The following KCNJ6 variants were observed in gnomAD, a reference collection of about 807,000 sequenced individuals.
KCNJ6 encodes potassium inwardly rectifying channel subfamily J member 6.
KCNJ6 carries 9 observed loss-of-function variants against 34.2 expected under a neutral mutation model. That is an observed-to-expected ratio of 0.26 (90% CI 0.16 to 0.46). The LOEUF (loss-of-function observed/expected upper bound fraction) is 0.46. KCNJ6 is among the 20% of genes least tolerant of loss of function. KCNJ6 has a pLI of 1.00. For synonymous variants in KCNJ6, 196 were observed against 207.1 expected (o/e 0.95, Z 0.46); for missense variants, 236 against 531.3 (o/e 0.44, Z 5.46).
rs1179642800 is a variant in KCNJ6 at position 37,611,286 on chromosome 21, T to G, written c.*13873A>C. 1 of 152,146 alleles carries G rather than the reference T, an allele frequency of 6.6e-6. No individual in the cohort carries two copies. Among genetic ancestry groups the G allele is most frequent in the African/African-American group, 2.4e-5 (1 of 41,430 alleles). The allele number at this position is 152,146 out of a possible 1,614,324, so 9.4% of individuals were successfully genotyped here. On this transcript the variant is annotated 3_prime_UTR_variant, in exon 4 of 4. Coordinates refer to ENST00000609713, the MANE Select transcript of KCNJ6 (RefSeq NM_002240.5). Reference sequence around the variant, plus strand: ...CTTGAAAAATAGAATTTGTCAAAACTCACACAAGAGCAAATAGACAATCTG... The same window carrying G: ...CTTGAAAAATAGAATTTGTCAAAACGCACACAAGAGCAAATAGACAATCTG...
In KCNJ6 at chr21:37,710,353, T is replaced by C. The variant is rs535370587; in HGVS notation, c.946+3858A>G. Among the ~76,000 whole-genome samples the C allele has an allele frequency of 2.0e-5, 3 of 152,354 alleles. No homozygotes were observed. In the South Asian group the frequency reaches 6.2e-4, roughly 32 times the overall value. On this transcript the variant is annotated intron_variant, in intron 3 of 3. Coordinates refer to ENST00000609713, the MANE Select transcript of KCNJ6 (RefSeq NM_002240.5). ...ATATTTGCAGATGAGGATGATGTGA[T>C]TCTGGTGGGCAGCCAATGAGTGGGG...
At chr21:37,771,453 C>G (rs1285438577) in intron 2 of KCNJ6, among the ~76,000 whole-genome samples, 1 of 152,188 alleles carries the variant, frequency 6.6e-6, no homozygotes, top group African/African-American at 2.4e-5. Flanking sequence ...GACTAGCCAG[C>G]TGCCACAATT....
intron 3 of KCNJ6, among the ~76,000 whole-genome samples, chr21:37,708,674 C>A (rs911764972): frequency 2.6e-5 from 4 of 152,152 alleles, no homozygotes; most frequent in African/African-American, 9.7e-5. Flanking sequence ...TCAGAGCTCA[C>A]CAATTAACTC....
chr21:37,822,963 A>G (rs773690747), intron 2 of KCNJ6, among the ~76,000 whole-genome samples: 35 of 152,190 alleles, frequency 2.3e-4, no homozygotes, highest in Admixed American at 7.2e-4. Context: ...GTCATGCATG[A>G]AAATTCCTTC....
At chr21:37,789,479 C>A (rs2123520332) in intron 2 of KCNJ6, among the ~76,000 whole-genome samples, 1 of 152,306 alleles carries the variant, frequency 6.6e-6, no homozygotes, top group Admixed American at 6.5e-5. Flanking sequence ...ATGCTGGCAC[C>A]ATGATCTTGG....
rs767644885 is a variant in KCNJ6 at position 37,895,698 on chromosome 21, G to A, written c.-28+20186C>T. Among the ~76,000 whole-genome samples, 27 of 152,204 alleles carry A rather than the reference G, an allele frequency of 1.8e-4. 1 individual carries two copies. The highest frequency in any genetic ancestry group is 3.9e-4 in the East Asian group (2 of 5,192). ...CTTCAGTAAAGAGGAACATTGGAAT[G>A]AAGGTACCCCAATCAGGGAGGCTGT... is the stretch of plus-strand genomic sequence containing the variant. On this transcript the variant is annotated intron_variant, in intron 1 of 3. Transcript: ENST00000609713.
intron 2 of KCNJ6, among the ~76,000 whole-genome samples, chr21:37,789,737 C>G (rs776034860): frequency 3.9e-5 from 6 of 152,238 alleles, no homozygotes; most frequent in Non-Finnish European, 5.9e-5. Context: ...GGAAAGCATA[C>G]TCCTCCCTGT....
At chr21:37,807,656 G>A (rs926945588) in intron 2 of KCNJ6, among the ~76,000 whole-genome samples, 1 of 152,212 alleles carries the variant, frequency 6.6e-6, no homozygotes, top group East Asian at 1.9e-4. Context: ...GCAACAGGCT[G>A]GACCATGTAG....
At chr21:37,631,452 T>C (rs1191707813) in intron 3 of KCNJ6, among the ~76,000 whole-genome samples, 1 of 152,116 alleles carries the variant, frequency 6.6e-6, no homozygotes, top group Non-Finnish European at 1.5e-5. Context: ...GAGATGAGCC[T>C]TCTGGGGCTG....
chr21:37,613,287 C>G lies in KCNJ6; in HGVS notation c.*11872G>C, dbSNP rs747020463. ...GCCCAAATGCAGATCATTGACAACA[C>G]TAAATGCTGGTGAAGATATGGAGCA... is the stretch of plus-strand genomic sequence containing the variant. On this transcript the variant is annotated 3_prime_UTR_variant, in exon 4 of 4. Coordinates refer to ENST00000609713, the MANE Select transcript of KCNJ6 (RefSeq NM_002240.5). The G allele has an allele frequency of 2.0e-5, 3 of 152,204 alleles. No individual in the cohort carries two copies. The allele number at this position is 152,204 out of a possible 1,614,324, so 9.4% of individuals were successfully genotyped here. A position where few individuals can be genotyped will look rare whatever the true frequency, so the allele number is the denominator to read the frequency against.
intron 2 of KCNJ6, among the ~76,000 whole-genome samples, chr21:37,723,943 AAAAG>A (rs1305250458): frequency 3.9e-5 from 6 of 152,206 alleles, no homozygotes; most frequent in Admixed American, 3.9e-4. Flanking sequence ...ATAAAAAAAA[AAAAG>A]AAAAGCAAGA....
In KCNJ6 at chr21:37,619,546, T is replaced by A. The variant is rs2054283794; in HGVS notation, c.*5613A>T. 6.6e-6 allele frequency: 1 copy of A among 152,196 alleles called. No individual in the cohort carries two copies. Among genetic ancestry groups the A allele is most frequent in the South Asian group, 2.1e-4 (1 of 4,836 alleles). The allele number at this position is 152,196 out of a possible 1,614,324, so 9.4% of individuals were successfully genotyped here. ...CTAGAGAGAGCAAAAACTAGCGCAA[T>A]TAAACATGAGCTAGTTCCAGGTTCA... On this transcript the variant is annotated 3_prime_UTR_variant, in exon 4 of 4. Coordinates refer to ENST00000609713, the MANE Select transcript of KCNJ6 (RefSeq NM_002240.5).
At chr21:37,638,595 C>A (rs983199727) in intron 3 of KCNJ6, among the ~76,000 whole-genome samples, 1 of 152,206 alleles carries the variant, frequency 6.6e-6, no homozygotes, top group African/African-American at 2.4e-5. Context: ...CAAATTGCCA[C>A]TCCCTTCTGC....
At chr21:37,787,700 G>A (rs2055198825) in intron 2 of KCNJ6, among the ~76,000 whole-genome samples, 2 of 152,174 alleles carry the variant, frequency 1.3e-5, no homozygotes, top group Non-Finnish European at 2.9e-5. Flanking sequence ...CTAATGCCAT[G>A]GGAATCTAAT....
rs1259408039 is a variant in KCNJ6, at chr21:37,675,617, G to A, written c.946+38594C>T. Among the ~76,000 whole-genome samples, 1 of 152,242 alleles carries A rather than the reference G, an allele frequency of 6.6e-6. No individual in the cohort carries two copies. Among genetic ancestry groups the A allele is most frequent in the Non-Finnish European group, 1.5e-5 (1 of 68,040 alleles). ...CCCTGAGCGGAATTCTCCGGCCCCA[G>A]GAGAGGCCGTGTGGCCATAAAAGGG... is the stretch of plus-strand genomic sequence containing the variant. On this transcript the variant is annotated intron_variant, in intron 3 of 3. Coordinates refer to ENST00000609713, the MANE Select transcript of KCNJ6 (RefSeq NM_002240.5). This position sits in a 1 kb window ranked among gnomAD's most constrained non-coding sequence, Gnocchi z 4.2.
intron 3 of KCNJ6, among the ~76,000 whole-genome samples, chr21:37,657,365 C>A (rs1056519651): frequency 1.3e-5 from 2 of 152,098 alleles, no homozygotes; most frequent in African/African-American, 4.8e-5. Context: ...CCTGGGGGCC[C>A]CATTTGTGCT....
At chr21:37,787,641 G>T (rs2055198605) in intron 2 of KCNJ6, among the ~76,000 whole-genome samples, 1 of 152,148 alleles carries the variant, frequency 6.6e-6, no homozygotes, top group South Asian at 2.1e-4. Flanking sequence ...AACTTGAAGT[G>T]AATTTCAATG....
intron 3 of KCNJ6, among the ~76,000 whole-genome samples, chr21:37,643,514 A>G (rs2054390537): frequency 1.3e-5 from 2 of 152,162 alleles, no homozygotes; most frequent in Non-Finnish European, 1.5e-5. Context: ...GGCCCTGAAG[A>G]ATGGGCAAGG....
intron 1 of KCNJ6, among the ~76,000 whole-genome samples, chr21:37,914,006 GGGGT>G (rs1396878489): frequency 6.3e-5 from 5 of 79,632 alleles, no homozygotes; most frequent in African/African-American, 2.2e-4. Context: ...GAGGCGGATC[GGGGT>G]GTGTGTGTGT....
Sources: allele counts gnomAD v4.1 joint callset (sites outside exome capture counted in the v4.1 genomes callset), GRCh38; gene constraint gnomAD v4.1.1; non-coding constraint Gnocchi (gnomAD v3.1); transcripts MANE v1.5; gene names NCBI Gene and HGNC (gene_info 2026-07-23, HGNC 2026-07-21).